MAGI2: variants seen among roughly 807,000 people sequenced by gnomAD.
MAGI2 encodes the protein membrane associated guanylate kinase, WW and PDZ domain containing 2, also known as membrane-associated guanylate kinase, WW and PDZ domain-containing protein 2.
A neutral mutation model predicts 133.3 loss-of-function variants in MAGI2; 35 were observed. That is an observed-to-expected ratio of 0.26 (90% CI 0.20 to 0.35). The LOEUF is 0.35. MAGI2 is among the 10% of genes least tolerant of loss of function. The probability of loss-of-function intolerance (pLI) is 1.00; values close to 1 mark genes in which losing one functional copy is unlikely to be tolerated. For synonymous variants in MAGI2, 729 were observed against 710.6 expected, an observed-to-expected ratio of 1.03 and a Z score of -0.41; for missense variants, 1,636 against 1,863.4, an observed-to-expected ratio of 0.88 and a Z score of 2.25.
At chr7:79,060,762 GT>G (rs1446744500) in intron 1 of MAGI2, among the ~76,000 whole-genome samples, 1 of 152,076 alleles carries the variant, frequency 6.6e-6, no homozygotes, top group African/African-American at 2.4e-5. Flanking sequence ...GCCTTGCTGT[GT>G]TTCCCACCTG....
chr7:79,449,877 C>CATACATATATATATATAT (rs1554488321), intron 1 of MAGI2, among the ~76,000 whole-genome samples: 1 of 120,626 alleles, frequency 8.3e-6, no homozygotes, highest in African/African-American at 3.0e-5. Flanking sequence ...GAGATATATA[C>CATACATATATATATATAT]ATATATATAT....
At chr7:79,007,030 A>G in intron 2 of MAGI2, 60 bp downstream of exon 2, 2 of 1,233,664 alleles carry the variant, frequency 1.6e-6, no homozygotes, top group Non-Finnish European at 2.3e-6. Flanking sequence ...TAATCAATGA[A>G]TATATAGCTA....
At chr7:79,125,513 A>G (rs970831607) in intron 1 of MAGI2, 40 of 513,682 alleles carry the variant, frequency 7.8e-5, no homozygotes, top group Admixed American at 1.4e-4. Flanking sequence ...AGTGGTGGAC[A>G]GGGTTATAGA....
intron 1 of MAGI2, among the ~76,000 whole-genome samples, chr7:79,250,466 A>C (rs1192853133): frequency 6.6e-6 from 1 of 152,142 alleles, no homozygotes; most frequent in Non-Finnish European, 1.5e-5. Context: ...GAACAATCTG[A>C]GAAAGAAATC....
chr7:79,330,181 T>A (rs1489847115), intron 1 of MAGI2, among the ~76,000 whole-genome samples: 1 of 1,954 alleles, frequency 5.1e-4, no homozygotes, highest in Non-Finnish European at 2.1e-3. Flanking sequence ...AATCTGCATC[T>A]TTTTTTTTTT....
At chr7:79,184,190 AT>A (rs1262822336) in intron 1 of MAGI2, among the ~76,000 whole-genome samples, 1 of 151,832 alleles carries the variant, frequency 6.6e-6, no homozygotes, top group Non-Finnish European at 1.5e-5. Context: ...TGGTATGTTA[AT>A]TAGCTTGATA....
At chr7:78,632,071 A>T (rs895924087) in intron 2 of MAGI2, among the ~76,000 whole-genome samples, 2 of 152,190 alleles carry the variant, frequency 1.3e-5, no homozygotes, top group Non-Finnish European at 2.9e-5. Flanking sequence ...TATTGCCTCG[A>T]AGAGCAGAAA....
chr7:78,829,501 C>A (rs368154996), intron 2 of MAGI2, among the ~76,000 whole-genome samples: 1 of 151,946 alleles, frequency 6.6e-6, no homozygotes, highest in East Asian at 1.9e-4. Flanking sequence ...TTTCTTTGAA[C>A]AATTCCATAA....
At chr7:78,335,915 T>C (rs927405793) in intron 9 of MAGI2, among the ~76,000 whole-genome samples, 2 of 152,160 alleles carry the variant, frequency 1.3e-5, no homozygotes, top group Admixed American at 1.3e-4. Flanking sequence ...AAAACTCCAC[T>C]GGGAGGATGT....
At chr7:78,479,633 A>C (rs1256162391) in intron 6 of MAGI2, among the ~76,000 whole-genome samples, 2 of 151,910 alleles carry the variant, frequency 1.3e-5, no homozygotes, top group Admixed American at 1.3e-4. Flanking sequence ...ACCAAACCAA[A>C]ACAGGGACAT....
At position 79,250,037 on chromosome 7, in the gene MAGI2, C is replaced by T. The variant is rs1259330364; in HGVS notation, c.301+202983G>A. Among the ~76,000 whole-genome samples the T allele has an allele frequency of 2.0e-5, 3 of 151,960 alleles. No individual in the cohort carries two copies. The East Asian group carries it at 5.8e-4, about 29-fold the overall frequency. On this transcript the variant is annotated intron_variant, in intron 1 of 21. Transcript: ENST00000354212. Reference sequence around the variant, plus strand: ...ATGTGATACACTGAAGGACAAAAACCATATGATCATTTCAACTGATGATAA... The same window carrying T: ...ATGTGATACACTGAAGGACAAAAACTATATGATCATTTCAACTGATGATAA...
chr7:79,038,972 A>G (rs1811364986), intron 1 of MAGI2, among the ~76,000 whole-genome samples: 2 of 152,212 alleles, frequency 1.3e-5, no homozygotes, highest in South Asian at 4.1e-4. Flanking sequence ...ATAAGTGGAT[A>G]GTTTTTGCAA....
intron 2 of MAGI2, among the ~76,000 whole-genome samples, chr7:78,779,443 A>G (rs548995549): frequency 1.3e-5 from 2 of 152,332 alleles, no homozygotes; most frequent in South Asian, 4.1e-4. Context: ...ATCAAATTCA[A>G]CTGGATTAAG....
chr7:79,284,469 T>C (rs1028983215), intron 1 of MAGI2, among the ~76,000 whole-genome samples: 1 of 152,122 alleles, frequency 6.6e-6, no homozygotes, highest in Non-Finnish European at 1.5e-5. Context: ...TTTTAATAGT[T>C]ACTGCATATG....
chr7:79,404,160 G>A (rs1002133628), intron 1 of MAGI2, among the ~76,000 whole-genome samples: 31 of 151,990 alleles, frequency 2.0e-4, no homozygotes, highest in Admixed American at 8.5e-4. Flanking sequence ...GCAACCATGC[G>A]TTTCACTCCT....
At chr7:78,895,643 A>C (rs561935391) in intron 2 of MAGI2, among the ~76,000 whole-genome samples, 21 of 152,318 alleles carry the variant, frequency 1.4e-4, no homozygotes, top group Non-Finnish European at 2.4e-4. Context: ...CAGGCAATTT[A>C]AATGAAAGAT....
intron 1 of MAGI2, among the ~76,000 whole-genome samples, chr7:79,119,251 A>G (rs1446770754): frequency 6.6e-6 from 1 of 152,156 alleles, no homozygotes; most frequent in Non-Finnish European, 1.5e-5. Flanking sequence ...TGAATTTATT[A>G]TTTGTAGGGA....
intron 10 of MAGI2, among the ~76,000 whole-genome samples, chr7:78,224,949 T>C (rs1375032096): frequency 1.3e-5 from 2 of 152,120 alleles, no homozygotes; most frequent in Non-Finnish European, 2.9e-5. Flanking sequence ...AAATAGGTCC[T>C]GAGGTCTGGC....
intron 1 of MAGI2, among the ~76,000 whole-genome samples, chr7:79,167,927 C>T (rs922996851): frequency 2.0e-5 from 3 of 152,062 alleles, no homozygotes; most frequent in Admixed American, 6.6e-5. Context: ...CCCGGCCTGC[C>T]CAGGGTGGTA....
Sources: allele counts gnomAD v4.1 joint callset (sites outside exome capture counted in the v4.1 genomes callset), GRCh38; gene constraint gnomAD v4.1.1; transcripts MANE v1.5; gene names NCBI Gene and HGNC (gene_info 2026-07-23, HGNC 2026-07-21).